Variants in RGS4 observed in about 807,000 individuals in gnomAD.
The protein encoded by RGS4 is schizophrenia disorder 9.
A neutral mutation model predicts 21.6 loss-of-function variants in RGS4; 15 were observed. The ratio of observed to expected loss-of-function variants is 0.69; its 90% CI spans 0.46 to 1.07. The LOEUF (loss-of-function observed/expected upper bound fraction) is 1.07, where lower values mean the gene tolerates loss of function less well. Ranked by LOEUF, RGS4 falls within the 50% of genes least tolerant of loss-of-function variation. RGS4 has a pLI of 0.00. For synonymous variants in RGS4, 94 were observed against 85.5 expected (o/e 1.10, Z -0.55); for missense variants, 237 against 239.0 (o/e 0.99, Z 0.06).
Position 163,073,436 on chromosome 1 carries a change from T to C in RGS4, c.212-20T>C. 4 of 1,535,684 alleles carry C rather than the reference T, an allele frequency of 2.6e-6. No homozygotes were observed. Among genetic ancestry groups the C allele is most frequent in the Non-Finnish European group, 3.5e-6 (4 of 1,149,158 alleles). ...CCAACCAGTGTGATGACAACTGTGG[T>C]CCTTTCTCCTGTATCATAGGTGGGC... On this transcript the variant is annotated intron_variant, in intron 3 of 4. Coordinates refer to ENST00000367909, the MANE Select transcript of RGS4 (RefSeq NM_005613.6).
chr1:163,076,237 T>G lies in RGS4; in HGVS notation c.*1677T>G, dbSNP rs1276361141. ...CTGCATTCGTTGCTCCAGTATAAAT[T>G]ACATGCATGAGCACCTTTCTGGCTT... is the stretch of plus-strand genomic sequence containing the variant. On this transcript the variant is annotated 3_prime_UTR_variant, in exon 5 of 5. Coordinates refer to ENST00000367909, the MANE Select transcript of RGS4 (RefSeq NM_005613.6). 6.6e-6 allele frequency: 1 copy of G among 152,600 alleles called. No homozygotes were observed. Among genetic ancestry groups the G allele is most frequent in the African/African-American group, 2.4e-5 (1 of 41,450 alleles). 9.5% of individuals were successfully genotyped at this position (152,600 alleles called of 1,614,324 possible).
intron 1 of RGS4, 56 bp from the exon 2 acceptor site, chr1:163,072,339 A>G (rs2102343296): frequency 2.3e-6 from 3 of 1,312,060 alleles, no homozygotes; most frequent in East Asian, 2.4e-5. Flanking sequence ...ACCATTAGGT[A>G]TCTTTTAAAG....
chr1:163,069,268 GGGAGACAGAGGAGCT>G (rs747578783), upstream of RGS4: 1 of 1,550,906 alleles, frequency 6.4e-7, no homozygotes, highest in South Asian at 1.2e-5. Context: ...GAGAGGCAGA[GGGAGACAGAGGAGCT>G]GGTACTGCAG....
Position 163,074,848 on chromosome 1 carries a change from A to G in RGS4, c.*288A>G. 1 of 601,302 alleles carries G rather than the reference A, an allele frequency of 1.7e-6. No homozygotes were observed. Among genetic ancestry groups the G allele is most frequent in the East Asian group, 2.7e-5 (1 of 36,378 alleles). 37.2% of individuals were successfully genotyped at this position (601,302 alleles called of 1,614,324 possible). Reference sequence around the variant, plus strand: ...GCCTGGTAGGTCTGGATTTTCAAAGATTGTTGGCAGTTTCCTCCTCCCAAC... The same window carrying G: ...GCCTGGTAGGTCTGGATTTTCAAAGGTTGTTGGCAGTTTCCTCCTCCCAAC... On this transcript the variant is annotated 3_prime_UTR_variant, in exon 5 of 5. Coordinates refer to ENST00000367909, the MANE Select transcript of RGS4 (RefSeq NM_005613.6).
intron 1 of RGS4, among the ~76,000 whole-genome samples, chr1:163,070,035 A>G (rs563222613): frequency 6.6e-6 from 1 of 152,264 alleles, no homozygotes; most frequent in South Asian, 2.1e-4. Context: ...TGTTCTTATA[A>G]GCAAATGTTA....
chr1:163,074,257 G>GCATA, intron 4 of RGS4, 64 bp from the exon 5 acceptor site: 1 of 1,602,092 alleles, frequency 6.2e-7, no homozygotes, highest in South Asian at 1.1e-5. Flanking sequence ...TCACTACAAA[G>GCATA]CATACAGGCT....
rs1248060489 is a variant in RGS4 at position 163,075,664 on chromosome 1, G to C, written c.*1104G>C. On this transcript the variant is annotated 3_prime_UTR_variant, in exon 5 of 5. Transcript: ENST00000367909. ...ATCCTTTTTTCCTTTCCTGATCAAG[G>C]TGCTCTTCTCATTTTTTCCTGAGAA... 1.3e-5 allele frequency: 2 copies of C among 152,038 alleles called. No individual in the cohort carries two copies. Among genetic ancestry groups the C allele is most frequent in the Non-Finnish European group, 2.9e-5 (2 of 68,016 alleles). The allele number at this position is 152,038 out of a possible 1,614,324, so 9.4% of individuals were successfully genotyped here.
upstream of RGS4, chr1:163,068,922 C>T: frequency 6.4e-7 from 1 of 1,553,660 alleles, no homozygotes; most frequent in Non-Finnish European, 8.9e-7. Flanking sequence ...TCGTGAGGAT[C>T]AGATCTTGGA....
At chr1:163,069,641 G>C (rs1655240296) in intron 1 of RGS4, 113 bp downstream of exon 1, 3 of 856,494 alleles carry the variant, frequency 3.5e-6, no homozygotes, top group Non-Finnish European at 5.4e-6. Flanking sequence ...GTGTGGTCAG[G>C]AGAGCACGAC....
chr1:163,069,355 A>G, upstream of RGS4: 2 of 1,557,922 alleles, frequency 1.3e-6, no homozygotes, highest in South Asian at 1.2e-5. Flanking sequence ...CTACAGGCTT[A>G]GCAGGAAGAC....
chr1:163,074,580 G>A lies in RGS4; in HGVS notation c.*20G>A, dbSNP rs772295314. On this transcript the variant is annotated 3_prime_UTR_variant, in exon 5 of 5. Coordinates refer to ENST00000367909, the MANE Select transcript of RGS4 (RefSeq NM_005613.6). Reference sequence around the variant, plus strand: ...GCCTAATTCTCACCTGAAGGCAGAGGGATGAAATGCCAAGACTCTATGCTC... The same window carrying A: ...GCCTAATTCTCACCTGAAGGCAGAGAGATGAAATGCCAAGACTCTATGCTC... 3 of 1,613,786 alleles carry A rather than the reference G, an allele frequency of 1.9e-6. No homozygotes were observed. The highest frequency in any genetic ancestry group is 2.5e-6 in the Non-Finnish European group (3 of 1,179,872).
intron 1 of RGS4, chr1:163,070,513 T>C (rs1655265468): frequency 1.3e-5 from 2 of 152,194 alleles, no homozygotes; most frequent in Non-Finnish European, 2.9e-5. Flanking sequence ...TTCCAAATAT[T>C]CTGTCATTCA....
In RGS4 at chr1:163,076,281, CT is replaced by C. The variant is rs1426571595; in HGVS notation, c.*1722del. On this transcript the variant is annotated 3_prime_UTR_variant, in exon 5 of 5. Transcript: ENST00000367909. ...CTGGCTTTTAAGCCAATATAATGGG[CT>C]GCAAAATGAAGACACCAGAGTGTAT... 1 of 152,562 alleles carries C rather than the reference CT, an allele frequency of 6.6e-6. No individual in the cohort carries two copies. Among genetic ancestry groups the C allele is most frequent in the Non-Finnish European group, 1.5e-5 (1 of 68,034 alleles). The allele number at this position is 152,562 out of a possible 1,614,324, so 9.5% of individuals were successfully genotyped here.
At chr1:163,072,913 T>A (rs777138159) in intron 3 of RGS4, 47 bp downstream of exon 3, 1 of 1,500,102 alleles carries the variant, frequency 6.7e-7, no homozygotes, top group South Asian at 1.1e-5. Flanking sequence ...ATAAGACAAG[T>A]TATATTATGC....
intron 1 of RGS4, among the ~76,000 whole-genome samples, chr1:163,071,219 C>T (rs1389471652): frequency 6.6e-6 from 1 of 151,976 alleles, no homozygotes; most frequent in East Asian, 1.9e-4. Context: ...AGTCATCAGT[C>T]AGGGAAGCAG....
rs1655491019 is a variant in RGS4 at position 163,076,177 on chromosome 1, G to A, written c.*1617G>A. ...TTCTTCTCATTCTTCTAAAACTACTGCCTTTCAAAGTGCACACACACGCGT... is the reference window on the plus strand; with the variant it reads ...TTCTTCTCATTCTTCTAAAACTACTACCTTTCAAAGTGCACACACACGCGT... On this transcript the variant is annotated 3_prime_UTR_variant, in exon 5 of 5. Coordinates refer to ENST00000367909, the MANE Select transcript of RGS4 (RefSeq NM_005613.6). 2 of 152,534 alleles carry A rather than the reference G, an allele frequency of 1.3e-5. No individual in the cohort carries two copies. The highest frequency in any genetic ancestry group is 4.1e-4 in the South Asian group (2 of 4,826). 9.4% of individuals were successfully genotyped at this position (152,534 alleles called of 1,614,324 possible).
Position 163,074,547 on chromosome 1 carries a change from C to T in RGS4, c.605C>T (p.Pro202Leu). ...TCAGCAGACTGTGCTTCCCTGGTCC[C>T]TCAGTGTGCCTAATTCTCACCTGAA... is the stretch of plus-strand genomic sequence containing the variant. ...KSSADCASLV[P>L]QCA The change falls in exon 5 of 5, where the codon CCT becomes CTT. Residue 202 changes from proline (P) to leucine (L), a missense_variant. Transcript: ENST00000367909. 6.2e-7 allele frequency: 1 copy of T among 1,613,888 alleles called. No individual in the cohort carries two copies.
intron 1 of RGS4, among the ~76,000 whole-genome samples, chr1:163,069,955 T>A (rs553227083): frequency 3.7e-4 from 57 of 152,250 alleles, no homozygotes; most frequent in Non-Finnish European, 7.1e-4. Flanking sequence ...TACCCCAGAA[T>A]GAGGTTTGGC....
intron 2 of RGS4, 43 bp from the exon 3 acceptor site, chr1:163,072,762 A>G: frequency 6.5e-7 from 1 of 1,543,766 alleles, no homozygotes. Context: ...CAATTTTTTT[A>G]CCATGGCATT....
Sources: gnomAD v4.1 joint callset for allele counts (sites outside exome capture counted in the v4.1 genomes callset) on GRCh38, gnomAD v4.1.1 for gene constraint, MANE v1.5 for transcripts, NCBI Gene and HGNC (gene_info 2026-07-23, HGNC 2026-07-21) for gene names.